The following SLC52A1 variants were observed in gnomAD, a reference collection of about 807,000 sequenced individuals.
SLC52A1 encodes the protein solute carrier family 52, riboflavin transporter, member 1.
In SLC52A1, 20 loss-of-function variants were observed where a neutral mutation model predicts 23.2. The ratio of observed to expected loss-of-function variants is 0.86; its 90% CI spans 0.61 to 1.25. The LOEUF (loss-of-function observed/expected upper bound fraction) is 1.25. Among genes scored for constraint, SLC52A1 ranks in the 50% most tolerant of loss-of-function variants. The probability of loss-of-function intolerance (pLI) is 0.00; values close to 1 mark genes in which losing one functional copy is unlikely to be tolerated. For synonymous variants in SLC52A1, 260 were observed against 256.6 expected (o/e 1.01, Z -0.13); for missense variants, 528 against 557.0 (o/e 0.95, Z 0.52).
At chr17:5,041,020 C>A (rs907297348) in intron 1 of SLC52A1, among the ~76,000 whole-genome samples, 1 of 152,010 alleles carries the variant, frequency 6.6e-6, no homozygotes, top group Admixed American at 6.6e-5. Context: ...TGGTCTCGAT[C>A]TCCTGACCTC....
intron 1 of SLC52A1, among the ~76,000 whole-genome samples, chr17:5,041,044 C>A (rs1361905734): frequency 2.0e-5 from 3 of 152,018 alleles, no homozygotes; most frequent in African/African-American, 7.2e-5. Context: ...ATCCACCCGC[C>A]TCGGCCTCCC....
Position 5,034,216 on chromosome 17 carries a change from G to A in SLC52A1, c.273C>T (p.Gly91=), listed in dbSNP as rs1021500848. The change falls in exon 3 of 5, where the codon GGC becomes GGT. Residue 91 remains glycine, a synonymous_variant. Transcript: ENST00000254853. ...IQVVQVLSVV[G]TALLAPLWHH... Reference sequence around the variant, plus strand: ...GCCACAGAGGGGCCAGCAGGGCTGTGCCCACTACACTCAGCACCTGTACCA... The same window carrying A: ...GCCACAGAGGGGCCAGCAGGGCTGTACCCACTACACTCAGCACCTGTACCA... 2 of 1,614,046 alleles carry A rather than the reference G, an allele frequency of 1.2e-6. No homozygotes were observed. Among genetic ancestry groups the A allele is most frequent in the Non-Finnish European group, 1.7e-6 (2 of 1,179,948 alleles).
upstream of SLC52A1, among the ~76,000 whole-genome samples, chr17:5,039,210 C>T (rs988869592): frequency 1.5e-4 from 22 of 151,678 alleles, no homozygotes; most frequent in Non-Finnish European, 2.1e-4. Context: ...GTAGTCCCAG[C>T]TTCTTGGGAG....
chr17:5,033,428 C>T, intron 3 of SLC52A1, 44 bp from the exon 4 acceptor site: 4 of 1,611,902 alleles, frequency 2.5e-6, no homozygotes, highest in Non-Finnish European at 3.4e-6. Flanking sequence ...GTTCTGGGAC[C>T]TGGACCCCAA....
chr17:5,040,284 C>A (rs73347226), upstream of SLC52A1, among the ~76,000 whole-genome samples: 2,871 of 152,102 alleles, frequency 0.019, 99 homozygotes, highest in African/African-American at 0.064. Context: ...AGTGATCCAC[C>A]CAGCTCAGCT....
In SLC52A1 at chr17:5,034,292, G is replaced by T. The variant is rs1975405150; in HGVS notation, c.197C>A (p.Thr66Asn). ...ALGNLGLLVV[T>N]LWRQLAPGKG... The stretch of plus-strand genomic sequence containing the variant: ...GCCCGGGGCCAGCTGCCTCCACAGG[G>T]TCACCACCAGCAGACCCAGGTTTCC... Residue 66 changes from threonine (T) to asparagine (N), a missense_variant, in exon 3 of 5, where the codon ACC (threonine) becomes AAC (asparagine). Coordinates refer to ENST00000254853, the MANE Select transcript of SLC52A1 (RefSeq NM_017986.4). The T allele has an allele frequency of 2.5e-6, 4 of 1,603,180 alleles. No individual in the cohort carries two copies. Among genetic ancestry groups the T allele is most frequent in the Non-Finnish European group, 3.4e-6 (4 of 1,174,326 alleles).
rs376874947 is a variant in SLC52A1 at position 5,033,103 on chromosome 17, G to A, written c.1201C>T (p.His401Tyr). 5.6e-6 allele frequency: 9 copies of A among 1,613,762 alleles called. No homozygotes were observed. The highest frequency in any genetic ancestry group is 4.0e-5 in the African/African-American group (3 of 75,040). The stretch of plus-strand genomic sequence containing the variant: ...AGCAATGCCGGCCGACCCCCACCAT[G>A]CAGCAGGGAGCTTGCAGCCACCTTC... ...YVKVAASSLL[H>Y]GGGRPALLAA... Residue 401 changes from histidine (H) to tyrosine (Y), a missense_variant, in exon 5 of 5, where the codon CAT becomes TAT. His to Tyr is a moderately conservative substitution (Grantham distance 83). Transcript: ENST00000254853.
rs1013256108 is a variant in SLC52A1 at position 5,033,729 on chromosome 17, G to C, written c.760C>G (p.Gln254Glu). The C allele has an allele frequency of 3.8e-5, 61 of 1,613,972 alleles. No individual in the cohort carries two copies. The highest frequency in any genetic ancestry group is 5.1e-5 in the Non-Finnish European group (60 of 1,180,040). The change falls in exon 3 of 5, where the codon CAG (glutamine) becomes GAG (glutamate). Residue 254 changes from glutamine (Q) to glutamate (E), a missense_variant. Gln to Glu is a conservative substitution (Grantham distance 29). Transcript: ENST00000254853. ...EKEEEEALPLQEPPSQAAGTI... is the reference protein window; with the variant it reads ...EKEEEEALPLEEPPSQAAGTI... ...CCTGCTGCCTGGCTCGGTGGCTCCT[G>C]CAATGGCAAAGCCTCTTCTTCCTCC...
At position 5,032,957 on chromosome 17, in the gene SLC52A1, T is replaced by G; in HGVS notation, c.1347A>C (p.Ter449CysextTer16). ...RKDCVDPCGP* is the reference protein window; with the variant it reads ...RKDCVDPCGPC ...GAGTTGGGTCCCCACCTGCCCAGGC[T>G]CAGGGGCCACAGGGGTCTACACAGT... Residue 449 changes from the stop codon to cysteine (C), a stop_lost, in exon 5 of 5, where the codon TGA becomes TGC. Coordinates refer to ENST00000254853, the MANE Select transcript of SLC52A1 (RefSeq NM_017986.4). 6.2e-7 allele frequency: 1 copy of G among 1,610,252 alleles called. No homozygotes were observed. The highest frequency in any genetic ancestry group is 8.5e-7 in the Non-Finnish European group (1 of 1,177,176).
intron 3 of SLC52A1, 40 bp downstream of exon 3, chr17:5,033,439 C>A (rs769688982): frequency 5.6e-6 from 9 of 1,610,698 alleles, no homozygotes; most frequent in Non-Finnish European, 7.6e-6. Flanking sequence ...TGGACCCCAA[C>A]CTTAAGTTCC....
upstream of SLC52A1, chr17:5,035,582 G>A (rs1263209017): frequency 6.6e-6 from 1 of 152,254 alleles, no homozygotes; most frequent in Admixed American, 6.5e-5. Context: ...CTCCGGATCC[G>A]GCAGTCCCCG....
intron 1 of SLC52A1, among the ~76,000 whole-genome samples, chr17:5,040,720 TG>T (rs1411092779): frequency 3.3e-5 from 5 of 152,116 alleles, no homozygotes; most frequent in African/African-American, 1.2e-4. Context: ...TACTCTGTTG[TG>T]GCCACACAGC....
rs377522935 is a variant in SLC52A1, at chr17:5,033,108, A to G, written c.1196T>C (p.Leu399Pro). The change falls in exon 5 of 5, where the codon CTG becomes CCG. Residue 399 changes from leucine (L) to proline (P), a missense_variant. Leu to Pro is a moderately conservative substitution (Grantham distance 98). Transcript: ENST00000254853. ...TGCCGGCCGACCCCCACCATGCAGCAGGGAGCTTGCAGCCACCTTCACATA... is the reference window on the plus strand; with the variant it reads ...TGCCGGCCGACCCCCACCATGCAGCGGGGAGCTTGCAGCCACCTTCACATA... ...FSYVKVAASS[L>P]LHGGGRPALL... is the part of the protein sequence containing the mutation. 6.8e-6 allele frequency: 11 copies of G among 1,613,740 alleles called. No individual in the cohort carries two copies. Among genetic ancestry groups the G allele is most frequent in the Non-Finnish European group, 9.3e-6 (11 of 1,180,032 alleles).
chr17:5,041,602 CGAGTAGCT>C (rs1288626866), intron 1 of SLC52A1, among the ~76,000 whole-genome samples: 2 of 152,072 alleles, frequency 1.3e-5, no homozygotes, highest in Non-Finnish European at 2.9e-5. Flanking sequence ...CTCAGCCTCC[CGAGTAGCT>C]GGGATTACAG....
At chr17:5,038,534 T>C (rs1975503806), upstream of SLC52A1, among the ~76,000 whole-genome samples, 1 of 151,984 alleles carries the variant, frequency 6.6e-6, no homozygotes, top group African/African-American at 2.4e-5. Flanking sequence ...TACCAAACAA[T>C]GATGTTTCTA....
At position 5,034,530 on chromosome 17, in the gene SLC52A1, G is replaced by A; in HGVS notation, c.77C>T (p.Ala26Val). The change falls in exon 2 of 5, where the codon GCT becomes GTT. Residue 26 changes from alanine to valine, a missense_variant. By Grantham distance (64) the Ala-to-Val change is moderately conservative. Transcript: ENST00000254853. ...VALFGMGSWA[A>V]VNGIWVELPV... ...CAGCTCCACCCAGATCCCGTTCACA[G>A]CAGCCCAGGAGCCCATGCCAAAAAG... 4 of 1,614,212 alleles carry A rather than the reference G, an allele frequency of 2.5e-6. No individual in the cohort carries two copies. The South Asian group carries it at 4.4e-5, about 18-fold the overall frequency.
At chr17:5,042,019 A>G (rs2143460624) in intron 1 of SLC52A1, among the ~76,000 whole-genome samples, 1 of 152,226 alleles carries the variant, frequency 6.6e-6, no homozygotes, top group African/African-American at 2.4e-5. Context: ...TACAGGCGTG[A>G]GTCACCATGC....
rs1425244421 is a variant in SLC52A1, at chr17:5,035,414, C to T, written c.-661G>A. On this transcript the variant is annotated 5_prime_UTR_variant, in exon 1 of 5. Transcript: ENST00000254853. ...CACGTCTCTGGTGCCACTTGCAACC[C>T]TAGCGCTTTTGCGACACTCAGGACT... 1 of 152,328 alleles carries T rather than the reference C, an allele frequency of 6.6e-6. No individual in the cohort carries two copies. The highest frequency in any genetic ancestry group is 1.5e-5 in the Non-Finnish European group (1 of 68,094). 9.4% of individuals were successfully genotyped at this position (152,328 alleles called of 1,614,324 possible).
chr17:5,037,306 G>A (rs1332533558), upstream of SLC52A1, among the ~76,000 whole-genome samples: 1 of 152,200 alleles, frequency 6.6e-6, no homozygotes, highest in Non-Finnish European at 1.5e-5. Flanking sequence ...GATCACCTGA[G>A]ATCAGGAGTT....
Sources: gnomAD v4.1 joint callset for allele counts (sites outside exome capture counted in the v4.1 genomes callset) on GRCh38, gnomAD v4.1.1 for gene constraint, MANE v1.5 for transcripts, NCBI Gene and HGNC (gene_info 2026-07-23, HGNC 2026-07-21) for gene names.